The following RAD51B variants were observed in gnomAD, a reference collection of about 807,000 sequenced individuals.
RAD51B encodes the protein DNA repair protein RAD51 homolog 2.
Under a neutral mutation model 42.2 loss-of-function variants are expected in RAD51B, and 38 were observed. The observed-to-expected ratio is 0.90, with a 90% CI of 0.70 to 1.18. RAD51B has a LOEUF of 1.18. Among genes scored for constraint, RAD51B ranks in the 50% most tolerant of loss-of-function variants. RAD51B has a pLI of 0.00. For missense variants in RAD51B, 373 were observed against 400.7 expected, an observed-to-expected ratio of 0.93 and a Z score of 0.59; for synonymous variants, 154 against 145.2, an observed-to-expected ratio of 1.06 and a Z score of -0.43.
chr14:67,861,532 T>A (rs150720925), intron 4 of RAD51B, among the ~76,000 whole-genome samples: 158 of 148,700 alleles, frequency 1.1e-3, no homozygotes, highest in African/African-American at 3.7e-3. Context: ...GTTATGTTCA[T>A]GCCACTGCAC....
Position 68,489,999 on chromosome 14 carries a change from T to C in RAD51B, c.1036+21749T>C, listed in dbSNP as rs76975018. Reference sequence around the variant, plus strand: ...AGATGTGGTAGAGAAGTGGGGAGAATTGCAGAATAAAGACAGACTGGGAAG... The same window carrying C: ...AGATGTGGTAGAGAAGTGGGGAGAACTGCAGAATAAAGACAGACTGGGAAG... On this transcript the variant is annotated intron_variant, in intron 10 of 10. Coordinates refer to the RAD51B transcript ENST00000487270. 3.0e-3 allele frequency among the ~76,000 whole-genome samples: 461 copies of C among 152,266 alleles called. 2 individuals are homozygous for C. The highest frequency in any genetic ancestry group is 0.011 in the South Asian group (52 of 4,820).
At chr14:68,328,855 A>G (rs2082294953) in intron 8 of RAD51B, among the ~76,000 whole-genome samples, 2 of 152,158 alleles carry the variant, frequency 1.3e-5, no homozygotes. Flanking sequence ...GCCTAAGACT[A>G]ACAACACACT....
intron 10 of RAD51B, among the ~76,000 whole-genome samples, chr14:68,587,984 A>G (rs1890569844): frequency 6.6e-6 from 1 of 152,188 alleles, no homozygotes; most frequent in South Asian, 2.1e-4. Flanking sequence ...CAGGAGCATC[A>G]CCTGGGAGCT....
chr14:68,615,327 A>T (rs901273529), downstream of RAD51B, among the ~76,000 whole-genome samples: 1 of 151,904 alleles, frequency 6.6e-6, no homozygotes, highest in Admixed American at 6.6e-5. Context: ...AACATTTAGA[A>T]TTGTTAAATC....
At chr14:68,531,717 G>T (rs1049016084) in intron 10 of RAD51B, among the ~76,000 whole-genome samples, 2 of 151,926 alleles carry the variant, frequency 1.3e-5, no homozygotes, top group African/African-American at 4.8e-5. Context: ...TCCAACAATA[G>T]GCCAGGCATG....
At chr14:68,405,435 C>T (rs1301215335) in intron 8 of RAD51B, among the ~76,000 whole-genome samples, 1 of 151,770 alleles carries the variant, frequency 6.6e-6, no homozygotes, top group Non-Finnish European at 1.5e-5. Flanking sequence ...TAAGGGAGAC[C>T]CTTTCTCTAA....
chr14:68,427,032 C>G (rs1036383754), intron 9 of RAD51B, among the ~76,000 whole-genome samples: 1 of 152,230 alleles, frequency 6.6e-6, no homozygotes, highest in African/African-American at 2.4e-5. Flanking sequence ...TCTAGAGGCA[C>G]GAGTAGTAAG....
intron 4 of RAD51B, among the ~76,000 whole-genome samples, chr14:67,837,632 A>AGC (rs2041288020): frequency 8.0e-6 from 1 of 124,286 alleles, no homozygotes; most frequent in Non-Finnish European, 1.7e-5. Flanking sequence ...ATTATCCTCA[A>AGC]ACAGAGTTTT....
At chr14:68,213,509 T>TA (rs2079753420) in intron 7 of RAD51B, among the ~76,000 whole-genome samples, 1 of 152,194 alleles carries the variant, frequency 6.6e-6, no homozygotes, top group South Asian at 2.1e-4. Flanking sequence ...AACAAAATAG[T>TA]ATGTTAAGTC....
chr14:68,660,430 C>G (rs1433863938), intron 11 of RAD51B, among the ~76,000 whole-genome samples: 2 of 152,186 alleles, frequency 1.3e-5, no homozygotes, highest in African/African-American at 4.8e-5. Flanking sequence ...AATCCAATAG[C>G]AAGCTTTTAT....
At chr14:67,844,623 TA>T (rs912913736) in intron 4 of RAD51B, among the ~76,000 whole-genome samples, 16 of 147,330 alleles carry the variant, frequency 1.1e-4, no homozygotes, top group South Asian at 2.1e-4. Flanking sequence ...TATATATATA[TA>T]TTTTTTTTAT....
chr14:67,834,428 T>G (rs1272410487), intron 3 of RAD51B, among the ~76,000 whole-genome samples: 4 of 152,168 alleles, frequency 2.6e-5, no homozygotes, highest in African/African-American at 9.7e-5. Flanking sequence ...TACCACACCT[T>G]CCTTCACACT....
intron 7 of RAD51B, among the ~76,000 whole-genome samples, chr14:67,978,858 G>A (rs987336571): frequency 8.5e-5 from 13 of 152,168 alleles, no homozygotes; most frequent in Admixed American, 2.0e-4. Flanking sequence ...ATGCAAAGAT[G>A]AGCATTTCCT....
intron 7 of RAD51B, among the ~76,000 whole-genome samples, chr14:68,158,897 A>G (rs2078575280): frequency 6.6e-6 from 1 of 152,236 alleles, no homozygotes; most frequent in African/African-American, 2.4e-5. Flanking sequence ...ACTGCCTAGA[A>G]GAAAGACTTA....
At chr14:68,231,554 C>A (rs1401119492) in intron 7 of RAD51B, among the ~76,000 whole-genome samples, 1 of 152,156 alleles carries the variant, frequency 6.6e-6, no homozygotes, top group Non-Finnish European at 1.5e-5. Flanking sequence ...AAATCCCCAG[C>A]CCCCTCCCAA....
chr14:67,891,569 A>G (rs2043220031), intron 7 of RAD51B, among the ~76,000 whole-genome samples: 1 of 152,120 alleles, frequency 6.6e-6, no homozygotes, highest in South Asian at 2.1e-4. Context: ...TAACAAGGTT[A>G]AATTTTTTAT....
intron 7 of RAD51B, among the ~76,000 whole-genome samples, chr14:68,123,985 C>T (rs1238266887): frequency 6.6e-6 from 1 of 152,108 alleles, no homozygotes; most frequent in Non-Finnish European, 1.5e-5. Context: ...TCTAAGTATT[C>T]CAAAATGATG....
chr14:68,152,568 G>A (rs2078411525), intron 7 of RAD51B, among the ~76,000 whole-genome samples: 1 of 151,982 alleles, frequency 6.6e-6, no homozygotes, highest in Non-Finnish European at 1.5e-5. Context: ...TTTTTTGTTT[G>A]TTTTTGCTTT....
chr14:68,681,646 G>A (rs532569950), intron 11 of RAD51B, among the ~76,000 whole-genome samples: 2 of 152,162 alleles, frequency 1.3e-5, no homozygotes, highest in Non-Finnish European at 2.9e-5. Flanking sequence ...AAGATGACCA[G>A]GGAGTGGGCA....
Sources: gnomAD v4.1 joint callset for allele counts (sites outside exome capture counted in the v4.1 genomes callset) on GRCh38, gnomAD v4.1.1 for gene constraint, MANE v1.5 for transcripts, NCBI Gene and HGNC (gene_info 2026-07-23, HGNC 2026-07-21) for gene names.